ADAMTS3: variants seen among roughly 807,000 people sequenced by gnomAD.
ADAMTS3 encodes the protein ADAM metallopeptidase with thrombospondin type 1 motif 3.
In ADAMTS3, 73 loss-of-function variants were observed where a neutral mutation model predicts 129.0. The observed-to-expected ratio is 0.57, with a 90% confidence interval of 0.47 to 0.69. The LOEUF is 0.69. ADAMTS3 is among the 30% of genes least tolerant of loss of function. The pLI, the probability that ADAMTS3 is intolerant of heterozygous loss-of-function variation, is 0.00. For missense variants in ADAMTS3, 1,457 were observed against 1,514.5 expected, an observed-to-expected ratio of 0.96 and a Z score of 0.63; for synonymous variants, 477 against 510.8, an observed-to-expected ratio of 0.93 and a Z score of 0.89.
chr4:72,351,133 C>T (rs1196343854), intron 4 of ADAMTS3, among the ~76,000 whole-genome samples: 1 of 152,022 alleles, frequency 6.6e-6, no homozygotes, highest in Non-Finnish European at 1.5e-5. Context: ...TCATTCACTG[C>T]CTGATAGCCA....
Position 72,404,198 on chromosome 4 carries a change from C to A in ADAMTS3, c.661+10617G>T, listed in dbSNP as rs575445474. Among the ~76,000 whole-genome samples, 53 of 152,098 alleles carry A rather than the reference C, an allele frequency of 3.5e-4. 1 individual carries two copies. The South Asian group carries it at 0.011, about 30-fold the overall frequency. ...AAAATTCCTGTGAAACCACAGAGGA[C>A]CCTTGGTAGCCAAAATAATCTTTAC... On this transcript the variant is annotated intron_variant, in intron 4 of 21. Coordinates refer to ENST00000286657, the MANE Select transcript of ADAMTS3 (RefSeq NM_014243.3).
intron 21 of ADAMTS3, among the ~76,000 whole-genome samples, chr4:72,286,583 G>C (rs1020074796): frequency 6.6e-6 from 1 of 152,188 alleles, no homozygotes; most frequent in African/African-American, 2.4e-5. Context: ...GCACCATTCA[G>C]CAGATGTCAA....
intron 2 of ADAMTS3, among the ~76,000 whole-genome samples, chr4:72,556,957 C>G (rs1480440261): frequency 6.6e-6 from 1 of 151,620 alleles, no homozygotes; most frequent in Non-Finnish European, 1.5e-5. Context: ...TTAGAAGGAC[C>G]TTAAATTCCA....
At chr4:72,473,862 T>G (rs1719149891) in intron 3 of ADAMTS3, among the ~76,000 whole-genome samples, 1 of 152,228 alleles carries the variant, frequency 6.6e-6, no homozygotes, top group African/African-American at 2.4e-5. Context: ...GAGTTAGAAC[T>G]TTCACCATTG....
intron 3 of ADAMTS3, among the ~76,000 whole-genome samples, chr4:72,457,534 A>T (rs889751241): frequency 1.3e-5 from 2 of 151,680 alleles, no homozygotes; most frequent in Non-Finnish European, 2.9e-5. Context: ...TAGATATGTC[A>T]TTAAAACTGG....
At chr4:72,324,407 T>G (rs1719642545) in intron 5 of ADAMTS3, among the ~76,000 whole-genome samples, 1 of 151,718 alleles carries the variant, frequency 6.6e-6, no homozygotes, top group Admixed American at 6.6e-5. Flanking sequence ...GCATACTTAC[T>G]GAATTTGTAG....
rs184059054 is a variant in ADAMTS3 at position 72,312,240 on chromosome 4, A to G, written c.1921+51T>C. On this transcript the variant is annotated intron_variant, in intron 13 of 21. Coordinates refer to ENST00000286657, the MANE Select transcript of ADAMTS3 (RefSeq NM_014243.3). ...ATGGGGTTCGTGCTGGCAAAGCTTA[A>G]ACTGTGAGTAACCATCCACACAGCA... is the stretch of plus-strand genomic sequence containing the variant. The G allele has an allele frequency of 4.6e-5, 73 of 1,600,968 alleles. No individual in the cohort carries two copies. The African/African-American group carries it at 7.6e-4, about 17-fold the overall frequency.
chr4:72,349,491 A>G (rs79726892), intron 4 of ADAMTS3, among the ~76,000 whole-genome samples: 1,617 of 152,182 alleles, frequency 0.011, 41 homozygotes, highest in African/African-American at 0.037. Flanking sequence ...TAATCTGACC[A>G]TTCTCCCATT....
chr4:72,509,017 T>C (rs1720239485), intron 3 of ADAMTS3, among the ~76,000 whole-genome samples: 1 of 152,064 alleles, frequency 6.6e-6, no homozygotes, highest in African/African-American at 2.4e-5. Flanking sequence ...AATATGCTCC[T>C]GAATGACCAG....
intron 4 of ADAMTS3, among the ~76,000 whole-genome samples, chr4:72,395,525 A>T (rs1721704900): frequency 6.6e-6 from 1 of 152,186 alleles, no homozygotes; most frequent in Non-Finnish European, 1.5e-5. Context: ...AATGGAGGAC[A>T]AATATAAAAA....
At chr4:72,336,856 C>A (rs207464810) in intron 5 of ADAMTS3, among the ~76,000 whole-genome samples, 1 of 151,988 alleles carries the variant, frequency 6.6e-6, no homozygotes, top group African/African-American at 2.4e-5. Context: ...CCACCCCCGC[C>A]CCACCCACCA....
At chr4:72,498,399 T>C (rs550808777) in intron 3 of ADAMTS3, among the ~76,000 whole-genome samples, 10 of 151,658 alleles carry the variant, frequency 6.6e-5, no homozygotes, top group African/African-American at 2.2e-4. Flanking sequence ...TTGAGAGTAA[T>C]AGAAGTCATA....
intron 3 of ADAMTS3, among the ~76,000 whole-genome samples, chr4:72,546,234 T>C (rs1169769360): frequency 6.6e-6 from 1 of 152,150 alleles, no homozygotes; most frequent in Non-Finnish European, 1.5e-5. Context: ...GCTCTCTTTA[T>C]GGTTCCCAAA....
At chr4:72,320,574 A>C (rs183567717) in intron 7 of ADAMTS3, 140 bp downstream of exon 7, 1 of 870,920 alleles carries the variant, frequency 1.1e-6, no homozygotes, top group East Asian at 2.6e-5. Flanking sequence ...CTGTAAGCAA[A>C]AGAAAGAAAA....
At chr4:72,487,015 A>T (rs921409667) in intron 3 of ADAMTS3, among the ~76,000 whole-genome samples, 2 of 152,166 alleles carry the variant, frequency 1.3e-5, no homozygotes, top group Non-Finnish European at 2.9e-5. Context: ...TCACCTCTCC[A>T]GTCATCACTT....
At chr4:72,287,923 T>C (rs542020529) in intron 21 of ADAMTS3, among the ~76,000 whole-genome samples, 12 of 152,208 alleles carry the variant, frequency 7.9e-5, no homozygotes, top group Non-Finnish European at 1.5e-4. Flanking sequence ...TGGAATGCAG[T>C]GGCGTGATCT....
intron 4 of ADAMTS3, among the ~76,000 whole-genome samples, chr4:72,414,248 G>T (rs912521469): frequency 6.6e-6 from 1 of 151,480 alleles, no homozygotes; most frequent in African/African-American, 2.4e-5. Flanking sequence ...AACAAAAATA[G>T]AAAACTTTGA....
intron 3 of ADAMTS3, among the ~76,000 whole-genome samples, chr4:72,519,090 C>T (rs1380879395): frequency 6.6e-6 from 1 of 151,190 alleles, no homozygotes; most frequent in Non-Finnish European, 1.5e-5. Flanking sequence ...TTCTCCTTCA[C>T]TTATGAAGCT....
Position 72,414,893 on chromosome 4 carries a change from C to T in ADAMTS3, c.583G>A (p.Gly195Arg). 1 of 1,585,078 alleles carries T rather than the reference C, an allele frequency of 6.3e-7. No individual in the cohort carries two copies. Among genetic ancestry groups the T allele is most frequent in the Non-Finnish European group, 8.6e-7 (1 of 1,167,382 alleles). The change falls in exon 4 of 22, where the codon GGA becomes AGA. Residue 195 changes from glycine to arginine, a missense_variant. Gly to Arg is a moderately radical substitution (Grantham distance 125). Coordinates refer to ENST00000286657, the MANE Select transcript of ADAMTS3 (RefSeq NM_014243.3). Reference protein sequence around the residue: ...ERGKQMEEEKGRIHVVYKRSA... With the variant: ...ERGKQMEEEKRRIHVVYKRSA... ...CTCTTGTAGACAACATGAATCCTTC[C>T]TTTTTCTTCCTCCATCTGTTTACCT...
Sources: gnomAD v4.1 joint callset for allele counts (sites outside exome capture counted in the v4.1 genomes callset) on GRCh38, gnomAD v4.1.1 for gene constraint, MANE v1.5 for transcripts, NCBI Gene and HGNC (gene_info 2026-07-23, HGNC 2026-07-21) for gene names.